KCNH5: variants seen among roughly 807,000 people sequenced by gnomAD.
KCNH5 encodes potassium voltage-gated channel subfamily H member 5.
Under a neutral mutation model 96.1 loss-of-function variants are expected in KCNH5, and 46 were observed. The ratio of observed to expected loss-of-function variants is 0.48; its 90% confidence interval spans 0.38 to 0.61. KCNH5 has a LOEUF of 0.61. Ranked by LOEUF, KCNH5 falls within the 20% of genes least tolerant of loss-of-function variation. The pLI, the probability that KCNH5 is intolerant of heterozygous loss-of-function variation, is 0.00. For synonymous variants in KCNH5, 439 were observed against 449.8 expected, an observed-to-expected ratio of 0.98 and a Z score of 0.30; for missense variants, 907 against 1,225.8, an observed-to-expected ratio of 0.74 and a Z score of 3.88.
intron 10 of KCNH5, among the ~76,000 whole-genome samples, chr14:62,745,036 C>A (rs919408374): frequency 6.6e-6 from 1 of 152,174 alleles, no homozygotes; most frequent in African/African-American, 2.4e-5. Context: ...TCAGACGGTG[C>A]CCTCTACATT....
chr14:62,753,377 G>T (rs1885545620), intron 10 of KCNH5, among the ~76,000 whole-genome samples: 1 of 152,154 alleles, frequency 6.6e-6, no homozygotes, highest in African/African-American at 2.4e-5. Flanking sequence ...GCAAATCTAA[G>T]AGTTACTGGT....
chr14:62,701,422 GC>G lies in KCNH5; in HGVS notation c.*6085del, dbSNP rs1305007874. Reference sequence around the variant, plus strand: ...TCCTCAGTTATAACTCTGGTCATAAGCTGCACTTTTTGGTTTACTCTTCTTT... The same window carrying G: ...TCCTCAGTTATAACTCTGGTCATAAGTGCACTTTTTGGTTTACTCTTCTTT... On this transcript the variant is annotated 3_prime_UTR_variant, in exon 11 of 11. Transcript: ENST00000322893. The G allele has an allele frequency of 2.0e-5, 3 of 152,120 alleles. No homozygotes were observed. The highest frequency in any genetic ancestry group is 1.3e-4 in the Admixed American group (2 of 15,264). 9.4% of individuals were successfully genotyped at this position (152,120 alleles called of 1,614,324 possible). A position where few individuals can be genotyped will look rare whatever the true frequency, so the allele number is the denominator to read the frequency against.
At chr14:62,775,531 C>T (rs567261036) in intron 10 of KCNH5, among the ~76,000 whole-genome samples, 86 of 152,318 alleles carry the variant, frequency 5.6e-4, no homozygotes, top group African/African-American at 2.0e-3. Flanking sequence ...ACAGCTGTCT[C>T]GTTCACAGAT....
chr14:62,886,303 C>T (rs903553473), intron 7 of KCNH5, among the ~76,000 whole-genome samples: 1 of 152,210 alleles, frequency 6.6e-6, no homozygotes, highest in Non-Finnish European at 1.5e-5. Flanking sequence ...CCAAAAACTG[C>T]AATACTGTGT....
chr14:63,033,274 C>T (rs1891663083), intron 1 of KCNH5, among the ~76,000 whole-genome samples: 1 of 152,198 alleles, frequency 6.6e-6, no homozygotes. Context: ...TCGCCCTTAT[C>T]TCCTGTCTTT....
At chr14:62,794,669 T>C (rs889197383) in intron 9 of KCNH5, among the ~76,000 whole-genome samples, 1 of 152,108 alleles carries the variant, frequency 6.6e-6, no homozygotes, top group African/African-American at 2.4e-5. Flanking sequence ...AGTGTATTTT[T>C]CAAAAATACA....
intron 10 of KCNH5, among the ~76,000 whole-genome samples, chr14:62,775,151 C>T (rs191307294): frequency 1.4e-4 from 21 of 152,214 alleles, no homozygotes; most frequent in African/African-American, 5.1e-4. Context: ...GCTTTTGGTA[C>T]TTCTAATAAC....
chr14:62,910,941 A>ACACACACACCCCC (rs61033705), intron 7 of KCNH5, among the ~76,000 whole-genome samples: 1 of 140,784 alleles, frequency 7.1e-6, no homozygotes, highest in East Asian at 2.1e-4. Context: ...ACACACACAC[A>ACACACACACCCCC]CCCCTCTGTT....
chr14:62,709,232 CAAAAAAAAAAA>C (rs67304113), intron 10 of KCNH5, among the ~76,000 whole-genome samples: 3 of 71,572 alleles, frequency 4.2e-5, no homozygotes, highest in East Asian at 5.4e-4. Context: ...GACTCCTTCT[CAAAAAAAAAAA>C]AAAAAAAAAA....
chr14:62,916,929 C>G (rs983443587), intron 7 of KCNH5, among the ~76,000 whole-genome samples: 3 of 152,158 alleles, frequency 2.0e-5, no homozygotes, highest in Non-Finnish European at 2.9e-5. Context: ...AATTTTTTAA[C>G]AACTTGATCA....
At chr14:62,882,997 T>C (rs1325653360) in intron 7 of KCNH5, among the ~76,000 whole-genome samples, 2 of 152,266 alleles carry the variant, frequency 1.3e-5, no homozygotes, top group African/African-American at 2.4e-5. Context: ...CTTGCAATGA[T>C]ACGCTTCTAC....
chr14:62,797,445 T>A (rs1267061663), intron 9 of KCNH5, among the ~76,000 whole-genome samples: 3 of 152,182 alleles, frequency 2.0e-5, no homozygotes, highest in Non-Finnish European at 4.4e-5. Flanking sequence ...GTTCCGCATC[T>A]ACAACACAGA....
intron 10 of KCNH5, among the ~76,000 whole-genome samples, chr14:62,771,287 C>A (rs11850520): frequency 0.042 from 6,456 of 152,122 alleles, 282 homozygotes; most frequent in African/African-American, 0.12. Flanking sequence ...CAAGGGGTAC[C>A]AGACTAACCT....
chr14:62,792,511 T>C (rs1886455758), intron 9 of KCNH5, among the ~76,000 whole-genome samples: 1 of 151,572 alleles, frequency 6.6e-6, no homozygotes, highest in South Asian at 2.1e-4. Flanking sequence ...AATCCAAATA[T>C]ATGCCTAAAT....
intron 9 of KCNH5, among the ~76,000 whole-genome samples, chr14:62,791,894 CGACTT>C (rs1886443012): frequency 6.6e-6 from 1 of 151,474 alleles, no homozygotes; most frequent in South Asian, 2.1e-4. Flanking sequence ...AAGAAATACT[CGACTT>C]GAACTGTATT....
chr14:62,769,091 T>G (rs75664388), intron 10 of KCNH5, among the ~76,000 whole-genome samples: 6,856 of 152,184 alleles, frequency 0.045, 232 homozygotes, highest in East Asian at 0.1. Context: ...CAGCTTGGAG[T>G]TGAAAAACTG....
chr14:62,870,920 C>G (rs981297856), intron 7 of KCNH5, among the ~76,000 whole-genome samples: 7 of 152,180 alleles, frequency 4.6e-5, no homozygotes, highest in Non-Finnish European at 1.0e-4. Context: ...CACAGGTATT[C>G]TGACCCCAAA....
At chr14:62,914,061 G>A (rs1377413425) in intron 7 of KCNH5, among the ~76,000 whole-genome samples, 1 of 152,162 alleles carries the variant, frequency 6.6e-6, no homozygotes, top group African/African-American at 2.4e-5. Flanking sequence ...AGGAGTAAAT[G>A]AACACCACTC....
intron 10 of KCNH5, among the ~76,000 whole-genome samples, chr14:62,708,737 TAG>T (rs1349621834): frequency 6.6e-6 from 1 of 152,138 alleles, no homozygotes; most frequent in East Asian, 1.9e-4. Flanking sequence ...GACAACTGAA[TAG>T]AGAGGTACTT....
Sources: allele counts gnomAD v4.1 joint callset (sites outside exome capture counted in the v4.1 genomes callset), GRCh38; gene constraint gnomAD v4.1.1; transcripts MANE v1.5; gene names NCBI Gene and HGNC (gene_info 2026-07-23, HGNC 2026-07-21).